Variants in ARMH3 observed in about 807,000 individuals in gnomAD.
ARMH3 encodes armadillo-like helical domain-containing protein 3.
ARMH3 carries 60 observed loss-of-function variants against 99.1 expected under a neutral mutation model. The ratio of observed to expected loss-of-function variants is 0.61; its 90% CI spans 0.49 to 0.75. The LOEUF (loss-of-function observed/expected upper bound fraction) is 0.75, where lower values mean the gene tolerates loss of function less well. ARMH3 is among the 30% of genes least tolerant of loss of function. The pLI is 0.00. For synonymous variants in ARMH3, 285 were observed against 292.8 expected (o/e 0.97, Z 0.27); for missense variants, 679 against 843.1 (o/e 0.81, Z 2.41).
chr10:102,020,537 T>A (rs1231424685), intron 8 of ARMH3, among the ~76,000 whole-genome samples: 1 of 151,668 alleles, frequency 6.6e-6, no homozygotes, highest in African/African-American at 2.4e-5. Flanking sequence ...TACAAAAAAA[T>A]TAGCCAGGCG....
At chr10:102,041,580 G>A (rs1203631327) in intron 1 of ARMH3, among the ~76,000 whole-genome samples, 3 of 152,156 alleles carry the variant, frequency 2.0e-5, no homozygotes, top group Non-Finnish European at 4.4e-5. Flanking sequence ...ATAGCAAAGA[G>A]AGGAGATTCA....
chr10:101,962,349 T>C (rs771467254), intron 20 of ARMH3, among the ~76,000 whole-genome samples: 2 of 151,674 alleles, frequency 1.3e-5, no homozygotes, highest in Non-Finnish European at 2.9e-5. Flanking sequence ...GAATGACAAC[T>C]ACTACAAGTT....
intron 8 of ARMH3, among the ~76,000 whole-genome samples, chr10:102,016,529 G>C (rs1301825542): frequency 2.6e-5 from 4 of 152,188 alleles, no homozygotes; most frequent in Non-Finnish European, 5.9e-5. Flanking sequence ...GAAAAAGGCA[G>C]TGTGGGGAGA....
At position 101,846,864 on chromosome 10, in the gene ARMH3, G is replaced by GCA. The variant is rs1181939211; in HGVS notation, c.*662_*663dup. ...AGTCCCAGCTACTCGGGAGGCTGAGGCAGGAGAATCGCTTGAACCCAGGAA... is the reference window on the plus strand; with the variant it reads ...AGTCCCAGCTACTCGGGAGGCTGAGGCACAGGAGAATCGCTTGAACCCAGGAA... On this transcript the variant is annotated 3_prime_UTR_variant, in exon 26 of 26. Transcript: ENST00000370033. 1 of 152,620 alleles carries GCA rather than the reference G, an allele frequency of 6.6e-6. No individual in the cohort carries two copies. Among genetic ancestry groups the GCA allele is most frequent in the Non-Finnish European group, 1.5e-5 (1 of 68,350 alleles). The allele number at this position is 152,620 out of a possible 1,614,324, so 9.5% of individuals were successfully genotyped here. A position where few individuals can be genotyped will look rare whatever the true frequency, so the allele number is the denominator to read the frequency against.
chr10:102,011,846 A>AT, intron 10 of ARMH3, 63 bp from the exon 11 acceptor site: 1 of 1,391,706 alleles, frequency 7.2e-7, no homozygotes, highest in South Asian at 1.2e-5. Context: ...TGTCCTTGAC[A>AT]TTTGGGGTAA....
At chr10:102,045,129 CAAAA>C (rs574856341) in intron 1 of ARMH3, among the ~76,000 whole-genome samples, 3 of 80,760 alleles carry the variant, frequency 3.7e-5, no homozygotes, top group Non-Finnish European at 2.5e-5. Flanking sequence ...GCCCTTGTCT[CAAAA>C]AAAAAAAAAA....
intron 23 of ARMH3, among the ~76,000 whole-genome samples, chr10:101,908,565 AATC>A (rs1279753165): frequency 3.9e-5 from 6 of 152,308 alleles, no homozygotes; most frequent in African/African-American, 1.4e-4. Context: ...CAGAGGGTAA[AATC>A]ATATCAGTTG....
intron 23 of ARMH3, among the ~76,000 whole-genome samples, chr10:101,933,210 G>A (rs1373806390): frequency 2.0e-5 from 3 of 151,990 alleles, no homozygotes; most frequent in Non-Finnish European, 4.4e-5. Context: ...TCGTTAAAAT[G>A]GTAAATTTTA....
At chr10:101,879,122 C>T (rs1289190068) in intron 24 of ARMH3, among the ~76,000 whole-genome samples, 1 of 152,172 alleles carries the variant, frequency 6.6e-6, no homozygotes, top group Non-Finnish European at 1.5e-5. Flanking sequence ...CTCCTTCCTT[C>T]TTTCTCCACT....
At chr10:102,000,487 G>A (rs1385362016) in intron 15 of ARMH3, among the ~76,000 whole-genome samples, 2 of 151,626 alleles carry the variant, frequency 1.3e-5, no homozygotes, top group East Asian at 3.9e-4. Flanking sequence ...GGCCAGGTGC[G>A]GTGGCTCACA....
At chr10:102,006,290 C>CA (rs1241481495) in intron 14 of ARMH3, among the ~76,000 whole-genome samples, 10 of 152,208 alleles carry the variant, frequency 6.6e-5, no homozygotes, top group African/African-American at 1.9e-4. Context: ...TCTAGCACTC[C>CA]ATGCCTCTAC....
At chr10:102,024,255 C>A (rs1218900940) in intron 6 of ARMH3, among the ~76,000 whole-genome samples, 1 of 151,510 alleles carries the variant, frequency 6.6e-6, no homozygotes, top group Non-Finnish European at 1.5e-5. Flanking sequence ...TCAAGACCAA[C>A]CTGGCCAACA....
rs954873980 is a variant in ARMH3, at chr10:101,845,804, T to C, written c.*1724A>G. ...TAGTGGCTTCTCTGGAACTAGTGCA[T>C]AGCTGCTCAATGTTAGAGCCAGAAC... On this transcript the variant is annotated 3_prime_UTR_variant, in exon 26 of 26. Coordinates refer to ENST00000370033, the MANE Select transcript of ARMH3 (RefSeq NM_024541.3). 6.6e-6 allele frequency: 1 copy of C among 152,164 alleles called. No individual in the cohort carries two copies. Among genetic ancestry groups the C allele is most frequent in the African/African-American group, 2.4e-5 (1 of 41,426 alleles). The allele number at this position is 152,164 out of a possible 1,614,324, so 9.4% of individuals were successfully genotyped here.
At chr10:102,043,608 A>C (rs2136260156) in intron 1 of ARMH3, among the ~76,000 whole-genome samples, 2 of 152,380 alleles carry the variant, frequency 1.3e-5, no homozygotes, top group East Asian at 3.9e-4. Flanking sequence ...TTCTGTGACT[A>C]TGCTATGACC....
At chr10:101,987,156 C>G (rs1846549141) in intron 19 of ARMH3, among the ~76,000 whole-genome samples, 1 of 152,152 alleles carries the variant, frequency 6.6e-6, no homozygotes, top group Non-Finnish European at 1.5e-5. Context: ...TGTTCCTCAT[C>G]ATCCACTTAA....
chr10:101,880,244 T>C (rs1469753106), intron 24 of ARMH3, among the ~76,000 whole-genome samples: 1 of 152,202 alleles, frequency 6.6e-6, no homozygotes, highest in East Asian at 1.9e-4. Context: ...TCAGCACATG[T>C]CTCTGCCAAG....
At chr10:101,952,042 C>A (rs900164356) in intron 22 of ARMH3, among the ~76,000 whole-genome samples, 3 of 152,156 alleles carry the variant, frequency 2.0e-5, no homozygotes, top group Non-Finnish European at 4.4e-5. Context: ...CCCTTTTCTG[C>A]AGGAGGTGGA....
At chr10:101,989,854 A>C (rs1445603213) in intron 19 of ARMH3, among the ~76,000 whole-genome samples, 5 of 152,264 alleles carry the variant, frequency 3.3e-5, no homozygotes, top group Non-Finnish European at 1.5e-5. Flanking sequence ...CTGTCAGGAC[A>C]ATGTAGGCTA....
At chr10:101,930,438 C>G (rs1431879298) in intron 23 of ARMH3, among the ~76,000 whole-genome samples, 1 of 151,692 alleles carries the variant, frequency 6.6e-6, no homozygotes, top group African/African-American at 2.4e-5. Flanking sequence ...TACTTTTGCA[C>G]CAACCTATAA....
Sources: gnomAD v4.1 joint callset for allele counts (sites outside exome capture counted in the v4.1 genomes callset) on GRCh38, gnomAD v4.1.1 for gene constraint, MANE v1.5 for transcripts, NCBI Gene and HGNC (gene_info 2026-07-23, HGNC 2026-07-21) for gene names.